AKAP7: variants seen among roughly 807,000 people sequenced by gnomAD.
AKAP7 encodes the protein A-kinase anchoring protein 7, also known as A kinase (PRKA) anchor protein 7.
AKAP7 carries 39 observed loss-of-function variants against 39.5 expected under a neutral mutation model. That is an observed-to-expected ratio of 0.99 (90% CI 0.76 to 1.29). AKAP7 has a LOEUF of 1.29. Among genes scored for constraint, AKAP7 ranks in the 50% most tolerant of loss-of-function variants. The pLI is 0.00. For synonymous variants in AKAP7, 140 were observed against 139.1 expected (o/e 1.01, Z -0.05); for missense variants, 414 against 407.7 (o/e 1.02, Z -0.13).
intron 5 of AKAP7, among the ~76,000 whole-genome samples, chr6:131,196,506 C>T (rs1484538458): frequency 1.3e-5 from 2 of 152,090 alleles, no homozygotes; most frequent in Non-Finnish European, 2.9e-5. Flanking sequence ...TCAGGTGATC[C>T]TCCCACCTCA....
At chr6:131,219,007 G>A (rs1257601645) in intron 6 of AKAP7, among the ~76,000 whole-genome samples, 3 of 152,002 alleles carry the variant, frequency 2.0e-5, no homozygotes, top group African/African-American at 7.3e-5. Flanking sequence ...AGTGGCCCAC[G>A]TCTGTAATCC....
At chr6:131,162,645 GTC>G (rs1414213782) in intron 3 of AKAP7, among the ~76,000 whole-genome samples, 3 of 152,036 alleles carry the variant, frequency 2.0e-5, no homozygotes, top group African/African-American at 7.2e-5. Flanking sequence ...GTCGTTGTTC[GTC>G]TCTCCTTCAG....
upstream of AKAP7, among the ~76,000 whole-genome samples, chr6:131,135,259 C>T (rs1311763532): frequency 6.6e-6 from 1 of 152,256 alleles, no homozygotes; most frequent in Non-Finnish European, 1.5e-5. Context: ...AAGGCTGCGC[C>T]ACGGGAAATA....
chr6:131,239,962 C>T (rs2128311938), intron 7 of AKAP7, among the ~76,000 whole-genome samples: 1 of 152,276 alleles, frequency 6.6e-6, no homozygotes, highest in Non-Finnish European at 1.5e-5. Context: ...AGCTGCGTTC[C>T]TTTGGAGGAG....
intron 7 of AKAP7, among the ~76,000 whole-genome samples, chr6:131,255,356 A>G (rs1332065096): frequency 6.6e-6 from 1 of 152,222 alleles, no homozygotes; most frequent in Non-Finnish European, 1.5e-5. Flanking sequence ...AGATGATAGA[A>G]TATGGAATAA....
At chr6:131,226,206 C>G (rs1810151371) in intron 7 of AKAP7, among the ~76,000 whole-genome samples, 1 of 152,222 alleles carries the variant, frequency 6.6e-6, no homozygotes, top group African/African-American at 2.4e-5. Flanking sequence ...CTGAGAGCAT[C>G]TGAGTTTGTA....
intron 5 of AKAP7, among the ~76,000 whole-genome samples, chr6:131,183,814 G>A (rs1424615697): frequency 6.6e-6 from 1 of 152,112 alleles, no homozygotes; most frequent in African/African-American, 2.4e-5. Flanking sequence ...CCACTCTGGA[G>A]GAAGGAGGTG....
chr6:131,261,496 A>ATTAGT (rs1813333576), intron 7 of AKAP7, among the ~76,000 whole-genome samples: 1 of 151,938 alleles, frequency 6.6e-6, no homozygotes, highest in South Asian at 2.1e-4. Flanking sequence ...TTTCTCTAAA[A>ATTAGT]TTAGTTTGGT....
At chr6:131,241,611 G>GTATACGTATATATA (rs1162098710) in intron 7 of AKAP7, among the ~76,000 whole-genome samples, 4 of 99,730 alleles carry the variant, frequency 4.0e-5, no homozygotes, top group Admixed American at 1.0e-4. Context: ...GTGTGTGTGT[G>GTATACGTATATATA]TGTGTGTGTG....
intron 5 of AKAP7, among the ~76,000 whole-genome samples, chr6:131,186,998 A>G (rs970191793): frequency 6.6e-6 from 1 of 152,196 alleles, no homozygotes; most frequent in Non-Finnish European, 1.5e-5. Flanking sequence ...TTATGCATAT[A>G]TTACACCGTC....
intron 5 of AKAP7, among the ~76,000 whole-genome samples, chr6:131,171,774 A>G (rs1429822349): frequency 6.6e-6 from 1 of 152,178 alleles, no homozygotes; most frequent in African/African-American, 2.4e-5. Flanking sequence ...ATTAATCCAT[A>G]CTGGAGCACT....
At chr6:131,265,663 A>T (rs1445135891) in intron 7 of AKAP7, among the ~76,000 whole-genome samples, 2 of 152,222 alleles carry the variant, frequency 1.3e-5, no homozygotes, top group Non-Finnish European at 2.9e-5. Flanking sequence ...AGAAGCTATC[A>T]TAGAAATACA....
intron 1 of AKAP7, among the ~76,000 whole-genome samples, chr6:131,136,157 C>G (rs77095004): frequency 0.01 from 1,590 of 152,270 alleles, 21 homozygotes; most frequent in African/African-American, 0.036. Flanking sequence ...AGTAAAATTT[C>G]GATTTTATCT....
chr6:131,226,439 G>A (rs755219616), intron 7 of AKAP7, among the ~76,000 whole-genome samples: 5 of 152,184 alleles, frequency 3.3e-5, no homozygotes, highest in East Asian at 1.9e-4. Context: ...TGTGCAAACC[G>A]CACTGCACTA....
chr6:131,188,751 C>G lies in AKAP7; in HGVS notation c.590-10710C>G, dbSNP rs1421771541. Among the ~76,000 whole-genome samples, 4 of 149,662 alleles carry G rather than the reference C, an allele frequency of 2.7e-5. No individual in the cohort carries two copies. In the East Asian group the frequency reaches 8.0e-4, roughly 30 times the overall value. Reference sequence around the variant, plus strand: ...TTTTTTTTGTAGAGACAGGGTTTCACCATGTTGCCCAGGCTGGTCTCAAAT... The same window carrying G: ...TTTTTTTTGTAGAGACAGGGTTTCAGCATGTTGCCCAGGCTGGTCTCAAAT... On this transcript the variant is annotated intron_variant, in intron 5 of 7. Transcript: ENST00000431975.
intron 5 of AKAP7, among the ~76,000 whole-genome samples, chr6:131,169,829 T>A (rs1465239490): frequency 3.3e-5 from 5 of 152,202 alleles, no homozygotes; most frequent in Non-Finnish European, 5.9e-5. Flanking sequence ...TTTCATGTCA[T>A]GTCATGTCAT....
At position 131,282,066 on chromosome 6, in the gene AKAP7, A is replaced by G. The variant is rs1815244188; in HGVS notation, c.*340A>G. 8.8e-7 allele frequency: 1 copy of G among 1,136,808 alleles called. No individual in the cohort carries two copies. Among genetic ancestry groups the G allele is most frequent in the Non-Finnish European group, 1.1e-6 (1 of 928,692 alleles). 70.4% of individuals were successfully genotyped at this position (1,136,808 alleles called of 1,614,324 possible). A position where few individuals can be genotyped will look rare whatever the true frequency, so the allele number is the denominator to read the frequency against. On this transcript the variant is annotated 3_prime_UTR_variant, in exon 8 of 8. Coordinates refer to ENST00000431975, the MANE Select transcript of AKAP7 (RefSeq NM_016377.4). ...GCCTTGCCATCAATGGAATACTGCC[A>G]TTTATATTGCTTAGCAGGGCATTTG...
intron 1 of AKAP7, among the ~76,000 whole-genome samples, chr6:131,142,011 G>T (rs538331610): frequency 1.3e-5 from 2 of 150,032 alleles, no homozygotes; most frequent in East Asian, 4.0e-4. Flanking sequence ...GGCAGCTTCT[G>T]ATGACCTACA....
chr6:131,174,847 A>C (rs1804422468), intron 5 of AKAP7, among the ~76,000 whole-genome samples: 1 of 151,782 alleles, frequency 6.6e-6, no homozygotes, highest in Admixed American at 6.6e-5. Flanking sequence ...ACTGTAAAGC[A>C]GGATAATTTG....
Sources: gnomAD v4.1 joint callset for allele counts (sites outside exome capture counted in the v4.1 genomes callset) on GRCh38, gnomAD v4.1.1 for gene constraint, MANE v1.5 for transcripts, NCBI Gene and HGNC (gene_info 2026-07-23, HGNC 2026-07-21) for gene names.